CLDN16: variants seen among roughly 807,000 people sequenced by gnomAD.
CLDN16 encodes claudin-16.
In CLDN16, 13 loss-of-function variants were observed where a neutral mutation model predicts 24.6. That is an observed-to-expected ratio of 0.53 (90% CI 0.34 to 0.84). The LOEUF is 0.84. Ranked by LOEUF, CLDN16 falls within the 40% of genes least tolerant of loss-of-function variation. The pLI is 0.01. For missense variants in CLDN16, 298 were observed against 292.7 expected (o/e 1.02, Z -0.13); for synonymous variants, 116 against 106.7 (o/e 1.09, Z -0.54).
At chr3:190,331,953 G>A (rs139514443) in intron 1 of CLDN16, among the ~76,000 whole-genome samples, 57 of 151,000 alleles carry the variant, frequency 3.8e-4, no homozygotes, top group African/African-American at 1.4e-3. Flanking sequence ...TTCAAAGCCA[G>A]CAAGTATGGG....
intron 1 of CLDN16, among the ~76,000 whole-genome samples, chr3:190,356,704 A>T (rs1365846254): frequency 6.6e-6 from 1 of 151,916 alleles, no homozygotes; most frequent in Non-Finnish European, 1.5e-5. Context: ...ATAAAGTTTT[A>T]TCTTTCCCTT....
rs746450356 is a variant in CLDN16, at chr3:190,410,039, T to C, written c.*3T>C. The C allele has an allele frequency of 2.5e-6, 4 of 1,614,094 alleles. No individual in the cohort carries two copies. The highest frequency in any genetic ancestry group is 3.4e-6 in the Non-Finnish European group (4 of 1,179,986). ...ATGCTGTAGACACAAGGGTGTAAAA[T>C]GCACGTTTCAGGGTGTGTTTGCATA... On this transcript the variant is annotated 3_prime_UTR_variant, in exon 5 of 5. Coordinates refer to ENST00000264734, the MANE Select transcript of CLDN16 (RefSeq NM_006580.4).
At chr3:190,375,000 A>G (rs1718218027) in intron 3 of CLDN16, among the ~76,000 whole-genome samples, 1 of 151,932 alleles carries the variant, frequency 6.6e-6, no homozygotes, top group Admixed American at 6.6e-5. Flanking sequence ...TCTATACTAT[A>G]TTTCCTTATA....
intron 1 of CLDN16, among the ~76,000 whole-genome samples, chr3:190,338,710 T>C (rs535027344): frequency 3.8e-4 from 58 of 152,234 alleles, no homozygotes; most frequent in Non-Finnish European, 6.0e-4. Flanking sequence ...AAGGCTGTAA[T>C]TCATCCTACA....
At chr3:190,357,179 A>G (rs1429867023) in intron 1 of CLDN16, among the ~76,000 whole-genome samples, 1 of 151,938 alleles carries the variant, frequency 6.6e-6, no homozygotes, top group Non-Finnish European at 1.5e-5. Flanking sequence ...ACATCCTCCT[A>G]TGAGTATGTC....
At chr3:190,363,613 T>A in intron 1 of CLDN16, among the ~76,000 whole-genome samples, 1 of 137,738 alleles carries the variant, frequency 7.3e-6, no homozygotes, top group Non-Finnish European at 1.6e-5. Flanking sequence ...TTCTCCTGTC[T>A]GGCAATTAGG....
chr3:190,304,459 A>G, the CLDN16 span, among the ~76,000 whole-genome samples: 1 of 152,270 alleles, frequency 6.6e-6, no homozygotes, highest in Middle Eastern at 3.4e-3. Context: ...TCTAGTTTTC[A>G]ATTGCTGATA....
At chr3:190,362,140 A>C (rs915553148) in intron 1 of CLDN16, among the ~76,000 whole-genome samples, 2 of 151,728 alleles carry the variant, frequency 1.3e-5, no homozygotes, top group Non-Finnish European at 2.9e-5. Flanking sequence ...TTTTTCACCT[A>C]TTAAACCTCT....
rs6765290 is a variant in CLDN16, at chr3:190,330,044, T to A, written n.121+7383T>A. On this transcript the variant is annotated intron_variant and non_coding_transcript_variant, in intron 1 of 4. Transcript: ENST00000468220. ...GAAGAAATATCTCAACCGTCCCCCC[T>A]CCACCAGCATCACTTAATCATATAC... Among the ~76,000 whole-genome samples, 3,188 of 147,196 alleles carry A rather than the reference T, an allele frequency of 0.022. 257 individuals are homozygous for A. In the East Asian group the frequency reaches 0.29, roughly 13 times the overall value.
intron 1 of CLDN16, among the ~76,000 whole-genome samples, chr3:190,334,731 G>T (rs539938302): frequency 3.6e-4 from 55 of 152,306 alleles, no homozygotes; most frequent in African/African-American, 1.2e-3. Flanking sequence ...GGTGCTACAG[G>T]TATTGGTTAC....
chr3:190,316,314 A>G, the CLDN16 span, among the ~76,000 whole-genome samples: 1 of 152,342 alleles, frequency 6.6e-6, no homozygotes, highest in African/African-American at 2.4e-5. Context: ...GTATGTTCCA[A>G]TATTAGATTT....
intron 1 of CLDN16, among the ~76,000 whole-genome samples, chr3:190,401,118 A>G (rs1040342016): frequency 6.6e-6 from 1 of 152,228 alleles, no homozygotes; most frequent in African/African-American, 2.4e-5. Context: ...TTACATATAA[A>G]GTAGTAATAG....
chr3:190,348,952 T>C (rs1047430870), intron 1 of CLDN16, among the ~76,000 whole-genome samples: 3 of 152,214 alleles, frequency 2.0e-5, no homozygotes, highest in Non-Finnish European at 4.4e-5. Context: ...TTGCTAAAGA[T>C]AATGGTCTTT....
intron 1 of CLDN16, among the ~76,000 whole-genome samples, chr3:190,351,383 A>T (rs892496999): frequency 1.1e-4 from 17 of 152,124 alleles, no homozygotes; most frequent in Admixed American, 4.6e-4. Flanking sequence ...CTTCAGCATA[A>T]GTGCTTCCTT....
At chr3:190,365,511 G>A (rs1718001974) in intron 1 of CLDN16, among the ~76,000 whole-genome samples, 1 of 148,432 alleles carries the variant, frequency 6.7e-6, no homozygotes, top group African/African-American at 2.5e-5. Flanking sequence ...TTCCGTGAAA[G>A]TTCTAGTATT....
At chr3:190,403,819 C>T (rs1165176373) in intron 2 of CLDN16, among the ~76,000 whole-genome samples, 1 of 151,922 alleles carries the variant, frequency 6.6e-6, no homozygotes, top group Admixed American at 6.6e-5. Context: ...CCTAGTTCTA[C>T]CTACAAAGAA....
the CLDN16 span, among the ~76,000 whole-genome samples, chr3:190,296,516 T>C: frequency 6.6e-6 from 1 of 151,628 alleles, no homozygotes; most frequent in African/African-American, 2.4e-5. Flanking sequence ...TAATAACGTA[T>C]GAGGATGGGA....
intron 1 of CLDN16, among the ~76,000 whole-genome samples, chr3:190,340,737 A>G (rs113927817): frequency 0.039 from 5,961 of 152,140 alleles, 390 homozygotes; most frequent in African/African-American, 0.13. Flanking sequence ...AAAGTCCAAA[A>G]TCTCATCTGA....
At chr3:190,335,986 T>C (rs1365929472) in intron 1 of CLDN16, among the ~76,000 whole-genome samples, 2 of 152,284 alleles carry the variant, frequency 1.3e-5, no homozygotes, top group East Asian at 1.9e-4. Context: ...GTACAATTGC[T>C]AAAGTGTTGG....
Sources: gnomAD v4.1 joint callset for allele counts (sites outside exome capture counted in the v4.1 genomes callset) on GRCh38, gnomAD v4.1.1 for gene constraint, MANE v1.5 for transcripts, NCBI Gene and HGNC (gene_info 2026-07-23, HGNC 2026-07-21) for gene names.